TLCD3B: variants seen among roughly 807,000 people sequenced by gnomAD.
The protein encoded by TLCD3B is TLC domain containing 3B.
In TLCD3B, 9 loss-of-function variants were observed where a neutral mutation model predicts 23.0. That is an observed-to-expected ratio of 0.39 (90% CI 0.24 to 0.68). The LOEUF is 0.68. Among genes scored for constraint, TLCD3B ranks in the 30% least tolerant of loss-of-function variants. The pLI, the probability that TLCD3B is intolerant of heterozygous loss-of-function variation, is 0.44. For synonymous variants in TLCD3B, 161 were observed against 161.0 expected, an observed-to-expected ratio of 1.00 and a Z score of 0.00; for missense variants, 307 against 371.8, an observed-to-expected ratio of 0.83 and a Z score of 1.43.
chr16:30,036,575 G>C, intron 3 of TLCD3B: 2 of 397,166 alleles, frequency 5.0e-6, no homozygotes, highest in Non-Finnish European at 8.9e-6. Flanking sequence ...GGGAGGGCAG[G>C]AGTATGCTCT....
chr16:30,030,622 C>G lies in TLCD3B; in HGVS notation c.-95G>C. On this transcript the variant is annotated 5_prime_UTR_variant, in exon 1 of 5. Transcript: ENST00000380495. ...AGGGGTGGAGAAGGGACGCCAAGCC[C>G]GGGAAGGAGGGAGAAAACGATGAGA... 3 of 1,173,958 alleles carry G rather than the reference C, an allele frequency of 2.6e-6. No individual in the cohort carries two copies. The highest frequency in any genetic ancestry group is 3.2e-6 in the Non-Finnish European group (3 of 937,698). 72.7% of individuals were successfully genotyped at this position (1,173,958 alleles called of 1,614,324 possible).
Position 30,030,871 on chromosome 16 carries a change from AG to A in TLCD3B, c.-345del. 1 of 458,650 alleles carries A rather than the reference AG, an allele frequency of 2.2e-6. No homozygotes were observed. Among genetic ancestry groups the A allele is most frequent in the Non-Finnish European group, 2.7e-6 (1 of 373,694 alleles). The allele number at this position is 458,650 out of a possible 1,614,324, so 28.4% of individuals were successfully genotyped here. On this transcript the variant is annotated 5_prime_UTR_variant, in exon 1 of 5. Coordinates refer to ENST00000380495, the MANE Select transcript of TLCD3B (RefSeq NM_031478.6). The stretch of plus-strand genomic sequence containing the variant: ...GAGGAGGATGCGGATGGGGGAGGGG[AG>A]GGAGCCACCAGGCAGGTGGGGAGGG...
At chr16:30,041,321 G>A (rs1344724250) in intron 2 of TLCD3B, among the ~76,000 whole-genome samples, 1 of 151,786 alleles carries the variant, frequency 6.6e-6, no homozygotes, top group African/African-American at 2.4e-5. Flanking sequence ...TGTTGTCCAG[G>A]CTGGAGTGCA....
At chr16:30,037,461 T>A (rs2071495794) in intron 3 of TLCD3B, among the ~76,000 whole-genome samples, 1 of 149,264 alleles carries the variant, frequency 6.7e-6, no homozygotes, top group Non-Finnish European at 1.5e-5. Context: ...GAGAATGGCG[T>A]GAACCTGGGA....
chr16:30,052,683 C>G (rs777661612), intron 1 of TLCD3B: 1 of 150,334 alleles, frequency 6.7e-6, no homozygotes, highest in Admixed American at 6.6e-5. Flanking sequence ...GGCGACAGAG[C>G]GAGACTCCGT....
intron 2 of TLCD3B, among the ~76,000 whole-genome samples, chr16:30,044,594 A>C (rs1384785593): frequency 6.6e-6 from 1 of 152,196 alleles, no homozygotes; most frequent in African/African-American, 2.4e-5. Context: ...TTACAGAAGT[A>C]AGCCACTGTG....
At chr16:30,046,150 A>G (rs2150998104) in intron 2 of TLCD3B, among the ~76,000 whole-genome samples, 1 of 152,148 alleles carries the variant, frequency 6.6e-6, no homozygotes, top group South Asian at 2.1e-4. Context: ...AGCATTAGGC[A>G]GTCCACCACG....
At chr16:30,035,302 T>A, upstream of TLCD3B, 1 of 1,285,074 alleles carries the variant, frequency 7.8e-7, no homozygotes, top group Non-Finnish European at 1.0e-6. Flanking sequence ...AAAGATCAGT[T>A]CCACCAGCCA....
intron 3 of TLCD3B, among the ~76,000 whole-genome samples, chr16:30,040,164 A>G (rs1397491300): frequency 6.9e-6 from 1 of 144,336 alleles, no homozygotes; most frequent in African/African-American, 2.6e-5. Flanking sequence ...ATATATATAT[A>G]TATATATGAA....
upstream of TLCD3B, chr16:30,053,017 C>G (rs1239369636): frequency 4.6e-5 from 7 of 152,452 alleles, no homozygotes; most frequent in East Asian, 1.2e-3. Flanking sequence ...GAGCCGGTGA[C>G]AGTTGAAGCT....
chr16:30,048,454 A>G (rs1197960762), intron 1 of TLCD3B, among the ~76,000 whole-genome samples: 4 of 152,024 alleles, frequency 2.6e-5, no homozygotes, highest in Admixed American at 2.6e-4. Context: ...TGTGCCTTGC[A>G]TACATTTTCT....
chr16:30,025,619 G>A lies in TLCD3B; in HGVS notation c.540+107C>T. ...ACCAGGTGCTCAAAATGCACGGGGTGAGGGGGGGATGACGAAGGGGCTAGA... is the reference window on the plus strand; with the variant it reads ...ACCAGGTGCTCAAAATGCACGGGGTAAGGGGGGGATGACGAAGGGGCTAGA... On this transcript the variant is annotated intron_variant, in intron 4 of 4. Transcript: ENST00000380495. The surrounding 1 kb of genome is among the most constrained non-coding windows in gnomAD (Gnocchi z 4.1). 1 of 1,467,784 alleles carries A rather than the reference G, an allele frequency of 6.8e-7. No homozygotes were observed. The highest frequency in any genetic ancestry group is 9.5e-7 in the Non-Finnish European group (1 of 1,049,532). 90.9% of individuals were successfully genotyped at this position (1,467,784 alleles called of 1,614,324 possible). A position where few individuals can be genotyped will look rare whatever the true frequency, so the allele number is the denominator to read the frequency against.
chr16:30,040,147 A>AAAAAAAAAATATATATATATATATAT, intron 3 of TLCD3B, among the ~76,000 whole-genome samples: 1 of 95,898 alleles, frequency 1.0e-5, no homozygotes, highest in African/African-American at 4.3e-5. Flanking sequence ...AAAAAAAAAA[A>AAAAAAAAAATATATATATATATATAT]ATATATATAT....
Position 30,039,101 on chromosome 16 carries a change from CTCTTTTTTTT to C in TLCD3B, c.-67+1884_-67+1893del, listed in dbSNP as rs1310797701. 5.0e-5 allele frequency among the ~76,000 whole-genome samples: 6 copies of C among 120,856 alleles called. 1 individual carries two copies. The highest frequency in any genetic ancestry group is 1.3e-4 in the African/African-American group (4 of 31,406). The allele number at this position is 120,856 out of a possible 152,430, so 79.3% of individuals were successfully genotyped here. ...ACTTATCCTTCTCCTCCTCCTTCCTCTCTTTTTTTTTTTTTTTTTTTTTTTTTTTTTTAGA... is the reference window on the plus strand; with the variant it reads ...ACTTATCCTTCTCCTCCTCCTTCCTCTTTTTTTTTTTTTTTTTTTTTTAGA... On this transcript the variant is annotated intron_variant, in intron 3 of 6. Coordinates refer to the TLCD3B transcript ENST00000561666.
chr16:30,044,252 C>T (rs2071621769), intron 2 of TLCD3B, among the ~76,000 whole-genome samples: 1 of 151,972 alleles, frequency 6.6e-6, no homozygotes, highest in Admixed American at 6.6e-5. Flanking sequence ...CTGCCTCACA[C>T]CTCCCAGAGT....
At position 30,025,258 on chromosome 16, in the gene TLCD3B, G is replaced by A. The variant is rs751932144; in HGVS notation, c.750C>T (p.Phe250=). The part of the protein sequence containing the change: ...LLLAPQLYWF[F]LICRGACRLF... The stretch of plus-strand genomic sequence containing the variant: ...GGCGGCAGGCCCCACGGCAGATGAG[G>A]AAGAACCAGTAGAGCTGAGGGGCCA... The change falls in exon 5 of 5, where the codon TTC becomes TTT. Residue 250 remains phenylalanine (F), a synonymous_variant. Transcript: ENST00000380495. The surrounding 1 kb of genome is among the most constrained non-coding windows in gnomAD (Gnocchi z 4.1). The A allele has an allele frequency of 6.5e-6, 10 of 1,537,864 alleles. No individual in the cohort carries two copies. In the South Asian group the frequency reaches 1.1e-4, roughly 17 times the overall value.
intron 3 of TLCD3B, 21 bp downstream of exon 3, chr16:30,026,588 G>C (rs200158999): frequency 1.5e-3 from 1,538 of 1,033,680 alleles, no homozygotes; most frequent in Non-Finnish European, 2.1e-3. Context: ...CACCCCGCCC[G>C]CCCAGCTCCC....
At chr16:30,027,094 C>T (rs1315243572) in intron 2 of TLCD3B, 4 of 610,474 alleles carry the variant, frequency 6.6e-6, no homozygotes, top group African/African-American at 1.8e-5. Flanking sequence ...GCAGTATAGT[C>T]GGGGGAAAAG....
At chr16:30,026,902 G>T in intron 2 of TLCD3B, 59 bp from the exon 3 acceptor site, 1 of 1,452,964 alleles carries the variant, frequency 6.9e-7, no homozygotes, top group South Asian at 1.2e-5. Context: ...CAGTGATTGG[G>T]GTCAGATCTC....
Sources: allele counts gnomAD v4.1 joint callset (sites outside exome capture counted in the v4.1 genomes callset), GRCh38; gene constraint gnomAD v4.1.1; non-coding constraint Gnocchi (gnomAD v3.1); transcripts MANE v1.5; gene names NCBI Gene and HGNC (gene_info 2026-07-23, HGNC 2026-07-21).